CSMD1: variants seen among roughly 807,000 people sequenced by gnomAD.
CSMD1 encodes CUB and Sushi multiple domains 1.
In CSMD1, 213 loss-of-function variants were observed where a neutral mutation model predicts 417.5. The observed-to-expected ratio is 0.51, with a 90% CI of 0.46 to 0.57. The LOEUF (loss-of-function observed/expected upper bound fraction) is 0.57. Among genes scored for constraint, CSMD1 ranks in the 20% least tolerant of loss-of-function variants. CSMD1 has a pLI of 0.00. For missense variants in CSMD1, 6,923 were observed against 4,529.7 expected, an observed-to-expected ratio of 1.53 and a Z score of -15.17; for synonymous variants, 2,862 against 1,736.8, an observed-to-expected ratio of 1.65 and a Z score of -16.11.
chr8:3,235,712 G>A (rs964703033), intron 26 of CSMD1, among the ~76,000 whole-genome samples: 1 of 152,068 alleles, frequency 6.6e-6, no homozygotes, highest in East Asian at 1.9e-4. Context: ...GTGGTTACAT[G>A]TCCTTTCATG....
chr8:3,522,168 G>T (rs947672994), intron 10 of CSMD1, among the ~76,000 whole-genome samples: 15 of 152,050 alleles, frequency 9.9e-5, no homozygotes, highest in Admixed American at 7.2e-4. Flanking sequence ...TATTCGAAGT[G>T]TTCAGCAATG....
chr8:3,720,685 G>A (rs569837523), intron 6 of CSMD1, among the ~76,000 whole-genome samples: 2 of 150,536 alleles, frequency 1.3e-5, no homozygotes, highest in East Asian at 3.9e-4. Flanking sequence ...TGACCCATGG[G>A]AAGCTTAAAT....
intron 2 of CSMD1, among the ~76,000 whole-genome samples, chr8:4,493,670 G>C (rs536639897): frequency 6.6e-6 from 1 of 152,244 alleles, no homozygotes; most frequent in South Asian, 2.1e-4. Flanking sequence ...ACTCCAGATC[G>C]AGTGAGAGAG....
intron 4 of CSMD1, among the ~76,000 whole-genome samples, chr8:4,010,129 A>C (rs1319739711): frequency 6.6e-6 from 1 of 152,122 alleles, no homozygotes; most frequent in Non-Finnish European, 1.5e-5. Context: ...TGGAAACCTG[A>C]ATGTCTTCTC....
At chr8:4,778,584 C>CT (rs1762052865) in intron 1 of CSMD1, among the ~76,000 whole-genome samples, 1 of 152,134 alleles carries the variant, frequency 6.6e-6, no homozygotes, top group Admixed American at 6.5e-5. Flanking sequence ...CTGGAAATTC[C>CT]GTGAGAGGGA....
intron 1 of CSMD1, among the ~76,000 whole-genome samples, chr8:4,728,470 G>T (rs1206197173): frequency 3.3e-5 from 5 of 152,016 alleles, no homozygotes; most frequent in Non-Finnish European, 5.9e-5. Context: ...ATATTGCACA[G>T]CAGAGTGCTG....
intron 7 of CSMD1, among the ~76,000 whole-genome samples, chr8:3,672,175 G>C (rs73183312): frequency 0.16 from 23,827 of 152,094 alleles, 2,090 homozygotes; most frequent in South Asian, 0.22. Context: ...TTTATGGTCA[G>C]GGATCTTATA....
chr8:4,102,333 G>A (rs952578309), intron 3 of CSMD1, among the ~76,000 whole-genome samples: 1 of 152,154 alleles, frequency 6.6e-6, no homozygotes, highest in Non-Finnish European at 1.5e-5. Flanking sequence ...AAACAAATAT[G>A]TAGAATTTTT....
chr8:4,301,334 T>G (rs1327947103), intron 3 of CSMD1, among the ~76,000 whole-genome samples: 1 of 152,238 alleles, frequency 6.6e-6, no homozygotes, highest in Non-Finnish European at 1.5e-5. Flanking sequence ...TATACTCAAC[T>G]GTTATGCTTT....
intron 3 of CSMD1, among the ~76,000 whole-genome samples, chr8:4,326,498 A>G (rs1162810114): frequency 6.6e-6 from 1 of 152,196 alleles, no homozygotes; most frequent in African/African-American, 2.4e-5. Flanking sequence ...GAGATAGGAA[A>G]AAAGGTCCAT....
At chr8:3,163,794 T>C (rs1820045743) in intron 37 of CSMD1, among the ~76,000 whole-genome samples, 1 of 152,280 alleles carries the variant, frequency 6.6e-6, no homozygotes, top group East Asian at 1.9e-4. Flanking sequence ...CCTGCATGGC[T>C]GTCACTGTGC....
chr8:4,503,327 G>C (rs769954453), intron 2 of CSMD1, among the ~76,000 whole-genome samples: 2 of 152,082 alleles, frequency 1.3e-5, no homozygotes, highest in African/African-American at 2.4e-5. Context: ...AATAACTATT[G>C]AGTGACTACC....
chr8:4,949,436 G>A (rs374139725), intron 1 of CSMD1, among the ~76,000 whole-genome samples: 54 of 152,126 alleles, frequency 3.5e-4, no homozygotes, highest in African/African-American at 1.0e-3. Flanking sequence ...TGAGTATGCT[G>A]TATTATTTAT....
intron 3 of CSMD1, among the ~76,000 whole-genome samples, chr8:4,057,567 G>C (rs184457043): frequency 0.014 from 2,058 of 152,018 alleles, 43 homozygotes; most frequent in East Asian, 0.088. Context: ...TTTGGCTTTT[G>C]TTGCCATTGC....
At chr8:4,874,879 T>C (rs1802953218) in intron 1 of CSMD1, among the ~76,000 whole-genome samples, 1 of 148,462 alleles carries the variant, frequency 6.7e-6, no homozygotes. Context: ...GTATATATAG[T>C]ATAGAGTATA....
chr8:4,422,594 C>T (rs1797311959), intron 2 of CSMD1, among the ~76,000 whole-genome samples: 1 of 151,988 alleles, frequency 6.6e-6, no homozygotes, highest in African/African-American at 2.4e-5. Context: ...CTATTCTGGA[C>T]CCTGATCTCA....
At chr8:4,234,425 A>C (rs1467105991) in intron 3 of CSMD1, among the ~76,000 whole-genome samples, 1 of 152,042 alleles carries the variant, frequency 6.6e-6, no homozygotes, top group African/African-American at 2.4e-5. Flanking sequence ...TCTTCCATGG[A>C]AACTACCTTT....
chr8:4,478,485 C>T (rs1318016608), intron 2 of CSMD1, among the ~76,000 whole-genome samples: 3 of 149,408 alleles, frequency 2.0e-5, no homozygotes, highest in African/African-American at 7.7e-5. Flanking sequence ...ATTAGCTTTC[C>T]CCCCCAAAAA....
intron 5 of CSMD1, among the ~76,000 whole-genome samples, chr8:3,772,183 TATATATACAC>T (rs1278524218): frequency 1.5e-5 from 1 of 67,456 alleles, no homozygotes; most frequent in African/African-American, 4.6e-5. Context: ...TATATATATA[TATATATACAC>T]ACACACACAC....
Sources: allele counts gnomAD v4.1 joint callset (sites outside exome capture counted in the v4.1 genomes callset), GRCh38; gene constraint gnomAD v4.1.1; transcripts MANE v1.5; gene names NCBI Gene and HGNC (gene_info 2026-07-23, HGNC 2026-07-21).